Variants in PLB1 observed in about 807,000 individuals in gnomAD.
PLB1 encodes the protein phospholipase B1, membrane-associated.
PLB1 carries 242 observed loss-of-function variants against 227.4 expected under a neutral mutation model. The ratio of observed to expected loss-of-function variants is 1.06; its 90% confidence interval spans 0.96 to 1.18. PLB1 has a LOEUF of 1.18. PLB1 is among the 50% of genes most tolerant of loss of function. The probability of loss-of-function intolerance (pLI) is 0.00; values close to 1 mark genes in which losing one functional copy is unlikely to be tolerated. For synonymous variants in PLB1, 757 were observed against 682.2 expected, an observed-to-expected ratio of 1.11 and a Z score of -1.71; for missense variants, 1,858 against 1,816.3, an observed-to-expected ratio of 1.02 and a Z score of -0.42.
intron 35 of PLB1, 41 bp from the exon 36 acceptor site, chr2:28,600,768 A>G (rs201987698): frequency 3.1e-5 from 50 of 1,601,448 alleles, no homozygotes; most frequent in Non-Finnish European, 4.1e-5. Flanking sequence ...AACTATGGGC[A>G]CTGTTCCTCA....
intron 56 of PLB1, among the ~76,000 whole-genome samples, chr2:28,634,500 G>A (rs1242732223): frequency 6.6e-6 from 1 of 152,124 alleles, no homozygotes; most frequent in Non-Finnish European, 1.5e-5. Context: ...CTACCAGGTG[G>A]CACTCCAAGT....
intron 17 of PLB1, among the ~76,000 whole-genome samples, chr2:28,556,373 G>C (rs943151967): frequency 2.0e-5 from 3 of 152,104 alleles, no homozygotes; most frequent in African/African-American, 4.8e-5. Context: ...CTGACTTACG[G>C]GGCCCTAGGA....
At chr2:28,498,270 C>G (rs1484496699) in intron 1 of PLB1, among the ~76,000 whole-genome samples, 3 of 151,702 alleles carry the variant, frequency 2.0e-5, no homozygotes, top group Non-Finnish European at 4.4e-5. Flanking sequence ...GTCACCTAGG[C>G]TGGAGGGCAG....
intron 16 of PLB1, 106 bp downstream of exon 16, chr2:28,550,190 T>C: frequency 1.2e-6 from 1 of 843,406 alleles, no homozygotes; most frequent in Non-Finnish European, 1.8e-6. Context: ...TTTTTTCTTT[T>C]GAGATGGAGT....
At chr2:28,594,454 G>T (rs61122180) in intron 33 of PLB1, 1,656 of 163,620 alleles carry the variant, frequency 0.01, 38 homozygotes, top group African/African-American at 0.038. Flanking sequence ...AAAACAACTA[G>T]AACGAAGCTG....
At chr2:28,581,481 GCAAAAAAATAAA>G (rs1394425720) in intron 23 of PLB1, among the ~76,000 whole-genome samples, 12 of 77,714 alleles carry the variant, frequency 1.5e-4, no homozygotes, top group African/African-American at 8.1e-4. Context: ...AGAGCTCCAC[GCAAAAAAATAAA>G]TAAATAAATA....
At chr2:28,549,836 A>T (rs1209850727) in intron 15 of PLB1, among the ~76,000 whole-genome samples, 174 bp from the exon 16 acceptor site, 1 of 152,160 alleles carries the variant, frequency 6.6e-6, no homozygotes, top group African/African-American at 2.4e-5. Flanking sequence ...ATGTCAACGC[A>T]TTCATGAGTC....
chr2:28,599,424 G>T (rs746521014), intron 35 of PLB1, among the ~76,000 whole-genome samples: 1 of 152,166 alleles, frequency 6.6e-6, no homozygotes, highest in African/African-American at 2.4e-5. Flanking sequence ...TGGTTGAGGG[G>T]TGTGGCCCCC....
chr2:28,562,788 A>G (rs552151745), intron 17 of PLB1, among the ~76,000 whole-genome samples: 25 of 152,236 alleles, frequency 1.6e-4, no homozygotes, highest in African/African-American at 4.3e-4. Flanking sequence ...CACTTAAAGC[A>G]GGATCCACCT....
At position 28,582,134 on chromosome 2, in the gene PLB1, G is replaced by C; in HGVS notation, c.1632+1G>C. ...GGCCCTGGACATCCTCCATGCTGAG[G>C]TACGGAGGCTAGGCCATGAGGCCTG... On this transcript the variant is annotated splice_donor_variant, in intron 24 of 57. Transcript: ENST00000327757. LOFTEE classifies it high-confidence loss of function. 1 of 1,613,594 alleles carries C rather than the reference G, an allele frequency of 6.2e-7. No homozygotes were observed. The highest frequency in any genetic ancestry group is 8.5e-7 in the Non-Finnish European group (1 of 1,179,498).
At chr2:28,504,941 T>A (rs1050333953) in intron 1 of PLB1, among the ~76,000 whole-genome samples, 2 of 152,208 alleles carry the variant, frequency 1.3e-5, no homozygotes, top group African/African-American at 4.8e-5. Context: ...AATGTACTTA[T>A]GAGATTCTTT....
intron 6 of PLB1, among the ~76,000 whole-genome samples, chr2:28,527,163 T>G (rs1042512808): frequency 6.6e-6 from 1 of 152,188 alleles, no homozygotes. Context: ...CAGATGCCTC[T>G]TTGCCTAATT....
intron 22 of PLB1, among the ~76,000 whole-genome samples, chr2:28,579,085 G>A (rs1022785866): frequency 5.3e-5 from 8 of 152,296 alleles, no homozygotes; most frequent in South Asian, 4.1e-4. Flanking sequence ...TCTTTTCAGA[G>A]CTTGTGCTTA....
At chr2:28,567,043 T>C (rs1454296591) in intron 20 of PLB1, among the ~76,000 whole-genome samples, 1 of 147,562 alleles carries the variant, frequency 6.8e-6, no homozygotes, top group African/African-American at 2.5e-5. Flanking sequence ...TGGAACGAGG[T>C]TCGGGGCTTG....
intron 20 of PLB1, 130 bp downstream of exon 20, chr2:28,566,969 G>T: frequency 1.9e-6 from 2 of 1,062,892 alleles, no homozygotes; most frequent in East Asian, 4.9e-5. Flanking sequence ...ACCAGGGGGC[G>T]CTGCCTCCCG....
intron 3 of PLB1, 109 bp downstream of exon 3, chr2:28,518,641 C>T: frequency 2.7e-6 from 2 of 750,608 alleles, no homozygotes; most frequent in Non-Finnish European, 2.3e-6. Context: ...TTCAAGTCCT[C>T]CTCTTCCTTA....
At chr2:28,582,270 G>C in intron 24 of PLB1, 135 bp from the exon 25 acceptor site, 2 of 1,209,930 alleles carry the variant, frequency 1.7e-6, no homozygotes, top group South Asian at 1.3e-5. Flanking sequence ...GGGGGAGCAG[G>C]GACGGGTGGA....
intron 4 of PLB1, among the ~76,000 whole-genome samples, chr2:28,521,735 C>T (rs1327202893): frequency 6.6e-6 from 1 of 152,102 alleles, no homozygotes. Flanking sequence ...CAGCCCCTCT[C>T]CTGGTCTTAG....
chr2:28,590,102 G>A, intron 29 of PLB1, 26 bp downstream of exon 29: 1 of 1,580,866 alleles, frequency 6.3e-7, no homozygotes, highest in Non-Finnish European at 8.7e-7. Context: ...CGTCCTTCCA[G>A]GCTCCGGCTG....
Sources: gnomAD v4.1 joint callset for allele counts (sites outside exome capture counted in the v4.1 genomes callset) on GRCh38, gnomAD v4.1.1 for gene constraint, MANE v1.5 for transcripts, NCBI Gene and HGNC (gene_info 2026-07-23, HGNC 2026-07-21) for gene names.